MCTP1: variants seen among roughly 807,000 people sequenced by gnomAD.
MCTP1 encodes multiple C2 and transmembrane domain-containing protein 1.
A neutral mutation model predicts 120.6 loss-of-function variants in MCTP1; 69 were observed. The observed-to-expected ratio is 0.57, with a 90% CI of 0.47 to 0.70. MCTP1 has a LOEUF of 0.70. Among genes scored for constraint, MCTP1 ranks in the 30% least tolerant of loss-of-function variants. The pLI is 0.00. For synonymous variants in MCTP1, 529 were observed against 493.1 expected, an observed-to-expected ratio of 1.07 and a Z score of -0.96; for missense variants, 1,203 against 1,248.8, an observed-to-expected ratio of 0.96 and a Z score of 0.55.
intron 1 of MCTP1, among the ~76,000 whole-genome samples, chr5:95,052,291 T>C (rs1746173398): frequency 6.6e-6 from 1 of 152,206 alleles, no homozygotes; most frequent in Admixed American, 6.5e-5. Flanking sequence ...TTCATCAGCC[T>C]GTTACCATGG....
In MCTP1 at chr5:94,706,500, T is replaced by TTCTC. The variant is rs1754645141; in HGVS notation, c.*992_*995dup. The TTCTC allele has an allele frequency of 1.3e-5, 2 of 151,678 alleles. No homozygotes were observed. The highest frequency in any genetic ancestry group is 4.1e-4 in the South Asian group (2 of 4,820). 9.4% of individuals were successfully genotyped at this position (151,678 alleles called of 1,614,324 possible). On this transcript the variant is annotated 3_prime_UTR_variant, in exon 23 of 23. Transcript: ENST00000515393. Reference sequence around the variant, plus strand: ...CTGGCATATCACTTAGCACACTGAATTCTCTACATTAAAATTCACACTAAT... The same window carrying TTCTC: ...CTGGCATATCACTTAGCACACTGAATTCTCTCTCTACATTAAAATTCACACTAAT...
chr5:95,012,203 G>A (rs1280103390), intron 2 of MCTP1, among the ~76,000 whole-genome samples: 2 of 151,970 alleles, frequency 1.3e-5, no homozygotes, highest in Non-Finnish European at 2.9e-5. Context: ...AGATCATACT[G>A]ACACCTGTTT....
At chr5:95,031,720 G>A (rs773266862) in intron 1 of MCTP1, among the ~76,000 whole-genome samples, 3 of 151,942 alleles carry the variant, frequency 2.0e-5, no homozygotes, top group East Asian at 1.9e-4. Flanking sequence ...ATACTATGAC[G>A]GGAACAAAAT....
chr5:94,873,391 C>G (rs1468051519), intron 12 of MCTP1, 150 bp from the exon 13 acceptor site: 2 of 507,052 alleles, frequency 3.9e-6, no homozygotes, highest in Non-Finnish European at 6.9e-6. Flanking sequence ...AAACCACCAT[C>G]AAAATAGAGT....
chr5:95,071,402 G>A (rs1339962280), intron 1 of MCTP1, among the ~76,000 whole-genome samples: 3 of 152,122 alleles, frequency 2.0e-5, no homozygotes, highest in African/African-American at 7.2e-5. Flanking sequence ...AAACAGCGGG[G>A]AAACAAAAAG....
At chr5:94,919,436 T>C (rs954432646) in intron 7 of MCTP1, among the ~76,000 whole-genome samples, 8 of 152,186 alleles carry the variant, frequency 5.3e-5, no homozygotes, top group African/African-American at 1.9e-4. Flanking sequence ...GTTAAACCAA[T>C]CCCCTTCCCT....
chr5:94,857,673 T>A lies in MCTP1; in HGVS notation c.2436+10660A>T, dbSNP rs569738774. Among the ~76,000 whole-genome samples the A allele has an allele frequency of 7.2e-5, 11 of 151,832 alleles. No individual in the cohort carries two copies. In the South Asian group the frequency reaches 2.1e-3, roughly 29 times the overall value. On this transcript the variant is annotated intron_variant, in intron 17 of 22. Transcript: ENST00000515393. ...CCAAATATTATTCAAGTCTAAATTATCCACAGGTCCTTCTGCTTAAGGATG... is the reference window on the plus strand; with the variant it reads ...CCAAATATTATTCAAGTCTAAATTAACCACAGGTCCTTCTGCTTAAGGATG...
rs1471524803 is a variant in MCTP1 at position 94,894,775 on chromosome 5, C to A, written c.1713G>T (p.Leu571=). ...REQTHKLELQ[L]EEGEGHLVLL... is the part of the protein sequence containing the mutation. ...GCACCAGGTGTCCCTCACCCTCTTC[C>A]AGCTGCAACTCCAGCTTGTGCGTCT... is the stretch of plus-strand genomic sequence containing the variant. Residue 571 remains leucine (L), a synonymous_variant, in exon 11 of 23, where the codon CTG becomes CTT. Coordinates refer to ENST00000515393, the MANE Select transcript of MCTP1 (RefSeq NM_024717.7). The A allele has an allele frequency of 6.2e-7, 1 of 1,613,258 alleles. No individual in the cohort carries two copies. Among genetic ancestry groups the A allele is most frequent in the East Asian group, 2.2e-5 (1 of 44,880 alleles).
chr5:94,817,218 C>A (rs1477556634), intron 17 of MCTP1, among the ~76,000 whole-genome samples: 1 of 152,262 alleles, frequency 6.6e-6, no homozygotes, highest in East Asian at 1.9e-4. Context: ...TCCTGGCCAA[C>A]ATGGTGAAAC....
chr5:95,003,488 C>A (rs1202545781), intron 2 of MCTP1, among the ~76,000 whole-genome samples: 1 of 152,204 alleles, frequency 6.6e-6, no homozygotes, highest in Non-Finnish European at 1.5e-5. Context: ...ACATATTTCT[C>A]ATAATGTATC....
At chr5:95,040,434 C>T (rs1210197745) in intron 1 of MCTP1, among the ~76,000 whole-genome samples, 1 of 149,154 alleles carries the variant, frequency 6.7e-6, no homozygotes, top group African/African-American at 2.5e-5. Context: ...GTATGTATGA[C>T]TCTGTCTCAA....
At chr5:94,717,936 A>T (rs1439755362) in intron 19 of MCTP1, among the ~76,000 whole-genome samples, 1 of 152,222 alleles carries the variant, frequency 6.6e-6, no homozygotes, top group Non-Finnish European at 1.5e-5. Flanking sequence ...AAATGGCCAT[A>T]CTACCCAAAG....
intron 5 of MCTP1, among the ~76,000 whole-genome samples, chr5:94,934,259 A>T (rs1815574046): frequency 6.6e-6 from 1 of 151,764 alleles, no homozygotes; most frequent in South Asian, 2.1e-4. Context: ...ATGTTAGAGA[A>T]GAAAGATTGG....
At chr5:94,829,386 A>C (rs36732) in intron 17 of MCTP1, among the ~76,000 whole-genome samples, 74,363 of 152,036 alleles carry the variant, frequency 0.49, 21,618 homozygotes, top group Non-Finnish European at 0.67. Context: ...TCTCGCTGGG[A>C]GCTGCAGACC....
intron 2 of MCTP1, among the ~76,000 whole-genome samples, chr5:94,983,886 G>A (rs1829982987): frequency 6.6e-6 from 1 of 152,184 alleles, no homozygotes; most frequent in African/African-American, 2.4e-5. Context: ...AGAGCTCTAT[G>A]ATGGAAGAAG....
intron 5 of MCTP1, among the ~76,000 whole-genome samples, chr5:94,933,848 G>C (rs1581433160): frequency 6.6e-6 from 1 of 151,892 alleles, no homozygotes; most frequent in Middle Eastern, 3.4e-3. Flanking sequence ...CATAGGACCA[G>C]TATTTGTCCT....
chr5:95,179,270 C>T (rs1748347476), intron 1 of MCTP1, among the ~76,000 whole-genome samples: 1 of 152,186 alleles, frequency 6.6e-6, no homozygotes, highest in African/African-American at 2.4e-5. Flanking sequence ...AGGGAATAAT[C>T]AAGGAAATCT....
intron 12 of MCTP1, 128 bp downstream of exon 12, chr5:94,888,751 T>G: frequency 1.8e-6 from 1 of 564,246 alleles, no homozygotes; most frequent in East Asian, 2.9e-5. Context: ...ATTTCTAAGA[T>G]CATCCCTGAA....
At chr5:95,016,170 T>C (rs2153665571) in intron 2 of MCTP1, among the ~76,000 whole-genome samples, 1 of 152,122 alleles carries the variant, frequency 6.6e-6, no homozygotes, top group African/African-American at 2.4e-5. Flanking sequence ...TCACTAAGAA[T>C]GTCTTTTTAA....
Sources: allele counts gnomAD v4.1 joint callset (sites outside exome capture counted in the v4.1 genomes callset), GRCh38; gene constraint gnomAD v4.1.1; transcripts MANE v1.5; gene names NCBI Gene and HGNC (gene_info 2026-07-23, HGNC 2026-07-21).